The following ZNF385D variants were observed in gnomAD, a reference collection of about 807,000 sequenced individuals.
The protein encoded by ZNF385D is zinc finger protein 385D.
In ZNF385D, 15 loss-of-function variants were observed where a neutral mutation model predicts 35.8. The ratio of observed to expected loss-of-function variants is 0.42; its 90% CI spans 0.28 to 0.64. The LOEUF is 0.64. ZNF385D is among the 30% of genes least tolerant of loss of function. ZNF385D has a pLI of 0.23. For synonymous variants in ZNF385D, 212 were observed against 186.8 expected (o/e 1.13, Z -1.10); for missense variants, 474 against 494.6 (o/e 0.96, Z 0.39).
intron 1 of ZNF385D, among the ~76,000 whole-genome samples, chr3:21,705,260 T>C (rs2067853740): frequency 6.6e-6 from 1 of 152,190 alleles, no homozygotes; most frequent in Non-Finnish European, 1.5e-5. Context: ...CTTAATAAAA[T>C]GTACCCATAA....
exon 3 of ZNF385D, chr3:22,168,963 C>T (rs934395660): frequency 2.0e-6 from 2 of 985,632 alleles, no homozygotes; most frequent in Admixed American, 6.2e-5. Flanking sequence ...TTTCTTTTCT[C>T]TTTCTGGTTT....
chr3:22,167,422 T>C (rs56971194), intron 3 of ZNF385D, among the ~76,000 whole-genome samples: 9,337 of 152,160 alleles, frequency 0.061, 734 homozygotes, highest in African/African-American at 0.18. Flanking sequence ...CACCCACGCA[T>C]CCCCTCTCCA....
rs767593181 is a variant in ZNF385D, at chr3:21,510,935, G to A, written c.365C>T (p.Thr122Ile). The change falls in exon 4 of 8, where the codon ACT (threonine) becomes ATT (isoleucine). Residue 122 changes from threonine (T) to isoleucine (I), a missense_variant. Coordinates refer to ENST00000281523, the MANE Select transcript of ZNF385D (RefSeq NM_024697.3). ...EAMKNKQKSV[T>I]AKDSAKTTFT... ...GGTAGTCTTTGCGCTGTCCTTGGCA[G>A]TTACAGATTTCTGCTTATTTTTCAT... The A allele has an allele frequency of 5.0e-6, 8 of 1,614,054 alleles. No homozygotes were observed. Among genetic ancestry groups the A allele is most frequent in the African/African-American group, 4.0e-5 (3 of 74,924 alleles).
intron 3 of ZNF385D, chr3:21,958,710 C>T (rs903485931): frequency 1.2e-4 from 18 of 152,132 alleles, no homozygotes; most frequent in African/African-American, 4.3e-4. Context: ...GAAAGCTTCA[C>T]AATTGAAATA....
intron 3 of ZNF385D, among the ~76,000 whole-genome samples, chr3:21,953,716 T>A (rs1374063146): frequency 6.6e-6 from 1 of 152,028 alleles, no homozygotes; most frequent in African/African-American, 2.4e-5. Context: ...CAGCCATCCA[T>A]TTTTTTAATA....
chr3:21,638,331 G>A (rs975216537), intron 2 of ZNF385D, among the ~76,000 whole-genome samples: 4 of 151,994 alleles, frequency 2.6e-5, no homozygotes, highest in Admixed American at 2.0e-4. Flanking sequence ...TGAGCAGAGG[G>A]CAGATTTGTT....
chr3:22,306,609 G>T (rs181691969), intron 2 of ZNF385D, among the ~76,000 whole-genome samples: 3 of 152,080 alleles, frequency 2.0e-5, no homozygotes, highest in East Asian at 1.9e-4. Flanking sequence ...GGAAGAAGTC[G>T]CTGTAGCCAG....
chr3:22,059,359 G>A (rs925131344), intron 3 of ZNF385D, among the ~76,000 whole-genome samples: 1 of 152,190 alleles, frequency 6.6e-6, no homozygotes, highest in Non-Finnish European at 1.5e-5. Flanking sequence ...CTTCCCAGGT[G>A]AGTCTATGTT....
chr3:21,970,593 T>A (rs1348282690), intron 3 of ZNF385D, among the ~76,000 whole-genome samples: 1 of 151,342 alleles, frequency 6.6e-6, no homozygotes, highest in Non-Finnish European at 1.5e-5. Context: ...CTAGGAGTTA[T>A]TGGCCTTAAA....
chr3:21,622,911 T>C lies in ZNF385D; in HGVS notation c.165+41975A>G, dbSNP rs41355745. Reference sequence around the variant, plus strand: ...GGTAAAGGAGAATCACATTTCTATATAGCTTGCCCCAGATGAAAAAGAAAA... The same window carrying C: ...GGTAAAGGAGAATCACATTTCTATACAGCTTGCCCCAGATGAAAAAGAAAA... On this transcript the variant is annotated intron_variant, in intron 2 of 7. Coordinates refer to ENST00000281523, the MANE Select transcript of ZNF385D (RefSeq NM_024697.3). Among the ~76,000 whole-genome samples the C allele has an allele frequency of 9.1e-3, 1,390 of 152,236 alleles. 11 individuals are homozygous for C. Among genetic ancestry groups the C allele is most frequent in the Non-Finnish European group, 0.016 (1,058 of 68,004 alleles).
At chr3:21,879,138 A>T (rs3890083) in intron 3 of ZNF385D, among the ~76,000 whole-genome samples, 19,295 of 152,036 alleles carry the variant, frequency 0.13, 1,573 homozygotes, top group African/African-American at 0.22. Context: ...TAACAAGGAA[A>T]CAAATGATAT....
At chr3:22,267,512 A>T (rs949204448) in intron 2 of ZNF385D, among the ~76,000 whole-genome samples, 2 of 152,048 alleles carry the variant, frequency 1.3e-5, no homozygotes, top group African/African-American at 2.4e-5. Flanking sequence ...CATAAATTAT[A>T]GTGTCAGTGA....
chr3:22,137,660 G>T (rs535627187), intron 3 of ZNF385D, among the ~76,000 whole-genome samples: 1 of 152,230 alleles, frequency 6.6e-6, no homozygotes, highest in East Asian at 1.9e-4. Context: ...GGTATTGATG[G>T]GACGTATCTC....
chr3:22,249,318 A>G (rs1298284017), intron 2 of ZNF385D, among the ~76,000 whole-genome samples: 2 of 152,184 alleles, frequency 1.3e-5, no homozygotes, highest in African/African-American at 4.8e-5. Flanking sequence ...AATGCAAACA[A>G]TAATGTGTCT....
intron 2 of ZNF385D, among the ~76,000 whole-genome samples, chr3:21,573,041 A>C (rs960224342): frequency 1.3e-5 from 2 of 152,296 alleles, no homozygotes; most frequent in South Asian, 4.1e-4. Context: ...GTACTTCTAG[A>C]GCTGTGATTT....
chr3:22,102,736 C>T (rs1576323773), intron 3 of ZNF385D, among the ~76,000 whole-genome samples: 1 of 152,090 alleles, frequency 6.6e-6, no homozygotes, highest in South Asian at 2.1e-4. Context: ...AATATCCCCA[C>T]TAGCTACAAG....
In ZNF385D at chr3:21,948,784, G is replaced by A. The variant is rs1009149334; in HGVS notation, c.325+220033C>T. 2.0e-5 allele frequency among the ~76,000 whole-genome samples: 3 copies of A among 152,164 alleles called. No individual in the cohort carries two copies. The South Asian group carries it at 6.2e-4, about 32-fold the overall frequency. On this transcript the variant is annotated intron_variant, in intron 3 of 5. Coordinates refer to the ZNF385D transcript ENST00000494108. ...CGTTGAAAAATATAGAACAAAAAAT[G>A]TGAAATTAACTATTATGTTACAATT... is the stretch of plus-strand genomic sequence containing the variant.
At chr3:21,974,158 A>C (rs1221557468) in intron 3 of ZNF385D, among the ~76,000 whole-genome samples, 1 of 152,110 alleles carries the variant, frequency 6.6e-6, no homozygotes, top group Non-Finnish European at 1.5e-5. Flanking sequence ...GAATCACATT[A>C]CCTGACTCCA....
At chr3:22,320,975 T>G (rs889467181) in intron 2 of ZNF385D, among the ~76,000 whole-genome samples, 1 of 151,956 alleles carries the variant, frequency 6.6e-6, no homozygotes, top group Non-Finnish European at 1.5e-5. Context: ...TTTTTTGAAA[T>G]GAAAGCAGGA....
Sources: allele counts gnomAD v4.1 joint callset (sites outside exome capture counted in the v4.1 genomes callset), GRCh38; gene constraint gnomAD v4.1.1; transcripts MANE v1.5; gene names NCBI Gene and HGNC (gene_info 2026-07-23, HGNC 2026-07-21).